The following DOK6 variants were observed in gnomAD, a reference collection of about 807,000 sequenced individuals.
DOK6 encodes docking protein 6, also known as downstream of tyrosine kinase 6.
In DOK6, 22 loss-of-function variants were observed where a neutral mutation model predicts 44.0. The ratio of observed to expected loss-of-function variants is 0.50; its 90% CI spans 0.36 to 0.71. The LOEUF is 0.71. DOK6 is among the 30% of genes least tolerant of loss of function. The pLI is 0.00. For missense variants in DOK6, 340 were observed against 416.4 expected (o/e 0.82, Z 1.60); for synonymous variants, 166 against 145.5 (o/e 1.14, Z -1.01).
intron 5 of DOK6, among the ~76,000 whole-genome samples, chr18:69,722,041 G>A (rs571392780): frequency 6.6e-6 from 1 of 152,206 alleles, no homozygotes; most frequent in African/African-American, 2.4e-5. Context: ...GTGGGAAACC[G>A]AAACCTCCCT....
chr18:69,754,524 A>G (rs936012693), intron 6 of DOK6, among the ~76,000 whole-genome samples: 1 of 152,174 alleles, frequency 6.6e-6, no homozygotes, highest in African/African-American at 2.4e-5. Context: ...TACTCATATT[A>G]GTTTGCTCAG....
In DOK6 at chr18:69,571,283, A is replaced by G. The variant is rs914679050; in HGVS notation, c.174+6689A>G. ...ATAAACTAAAATTGAATTTTAAATA[A>G]TATTCAAAAATTCCAGAAGAAAATA... On this transcript the variant is annotated intron_variant, in intron 2 of 7. Coordinates refer to ENST00000382713, the MANE Select transcript of DOK6 (RefSeq NM_152721.6). Among the ~76,000 whole-genome samples the G allele has an allele frequency of 8.5e-5, 13 of 152,140 alleles. No individual in the cohort carries two copies. In the Middle Eastern group the frequency reaches 0.01, roughly 119 times the overall value.
Position 69,512,332 on chromosome 18 carries a change from CTT to C in DOK6, c.67-52131_67-52130del, listed in dbSNP as rs548031851. ...ACCCCTTCGTCTTTGCTTTCTTCTT[CTT>C]TTTTTTTTTTTTTTTTTTTTTTTAG... On this transcript the variant is annotated intron_variant, in intron 1 of 7. Coordinates refer to ENST00000382713, the MANE Select transcript of DOK6 (RefSeq NM_152721.6). Among the ~76,000 whole-genome samples the C allele has an allele frequency of 9.8e-4, 90 of 91,666 alleles. No individual in the cohort carries two copies. The East Asian group carries it at 0.016, about 16-fold the overall frequency. The allele number at this position is 91,666 out of a possible 152,430, so 60.1% of individuals were successfully genotyped here.
chr18:69,691,473 AC>A (rs1441543100), intron 4 of DOK6, among the ~76,000 whole-genome samples: 1 of 152,154 alleles, frequency 6.6e-6, no homozygotes, highest in Admixed American at 6.5e-5. Context: ...TTCTCACCTC[AC>A]CCATGCTGGT....
intron 2 of DOK6, among the ~76,000 whole-genome samples, chr18:69,590,580 A>G (rs1421598703): frequency 1.3e-5 from 2 of 152,152 alleles, no homozygotes; most frequent in East Asian, 1.9e-4. Flanking sequence ...GCAGGTAGCA[A>G]CTAAATCATG....
At chr18:69,716,830 T>C (rs1218583619) in intron 5 of DOK6, among the ~76,000 whole-genome samples, 1 of 152,156 alleles carries the variant, frequency 6.6e-6, no homozygotes, top group East Asian at 1.9e-4. Context: ...TTATTTCTGA[T>C]TTCCAAATGG....
chr18:69,541,651 C>G (rs1402686994), intron 1 of DOK6, among the ~76,000 whole-genome samples: 1 of 151,416 alleles, frequency 6.6e-6, no homozygotes, highest in Non-Finnish European at 1.5e-5. Context: ...GTTTGACATA[C>G]AAAGTTTTAC....
At chr18:69,548,036 C>G (rs187221500) in intron 1 of DOK6, among the ~76,000 whole-genome samples, 1 of 150,408 alleles carries the variant, frequency 6.6e-6, no homozygotes, top group African/African-American at 2.4e-5. Context: ...TCACTGCAAA[C>G]TCCACCTCCC....
intron 6 of DOK6, among the ~76,000 whole-genome samples, chr18:69,741,958 G>C (rs948367353): frequency 6.6e-6 from 1 of 152,124 alleles, no homozygotes; most frequent in Non-Finnish European, 1.5e-5. Flanking sequence ...TACTATGAAA[G>C]AAAATTCAAT....
At chr18:69,683,519 A>C (rs1446420979) in intron 4 of DOK6, among the ~76,000 whole-genome samples, 1 of 152,214 alleles carries the variant, frequency 6.6e-6, no homozygotes, top group Non-Finnish European at 1.5e-5. Flanking sequence ...ATAGATATGG[A>C]CAAGTGAAGA....
chr18:69,686,919 ATGT>A (rs1986166181), intron 4 of DOK6, among the ~76,000 whole-genome samples: 1 of 151,992 alleles, frequency 6.6e-6, no homozygotes, highest in African/African-American at 2.4e-5. Flanking sequence ...AAAAAATAAT[ATGT>A]TATTATGCAA....
At chr18:69,432,487 T>C (rs1326417497) in intron 1 of DOK6, among the ~76,000 whole-genome samples, 1 of 152,144 alleles carries the variant, frequency 6.6e-6, no homozygotes, top group Non-Finnish European at 1.5e-5. Flanking sequence ...TTTTGAAATG[T>C]GTAAAAAATG....
chr18:69,480,925 C>A (rs533051960), intron 1 of DOK6, among the ~76,000 whole-genome samples: 1 of 152,132 alleles, frequency 6.6e-6, no homozygotes, highest in Admixed American at 6.6e-5. Context: ...AACTCACATA[C>A]GGTCCTGAGA....
chr18:69,704,232 C>G (rs546128006), intron 5 of DOK6, among the ~76,000 whole-genome samples: 2 of 152,096 alleles, frequency 1.3e-5, no homozygotes, highest in South Asian at 2.1e-4. Flanking sequence ...CCTCCACAGC[C>G]CCCCCACCCC....
chr18:69,540,936 T>C (rs755735163), intron 1 of DOK6, among the ~76,000 whole-genome samples: 9 of 152,194 alleles, frequency 5.9e-5, no homozygotes. Flanking sequence ...AGAATCTTTG[T>C]TGTTTTCCTC....
intron 1 of DOK6, among the ~76,000 whole-genome samples, chr18:69,496,220 G>C (rs1462229205): frequency 6.6e-6 from 1 of 152,232 alleles, no homozygotes; most frequent in East Asian, 1.9e-4. Flanking sequence ...TGGGTTCACA[G>C]GCACAACCTG....
chr18:69,606,833 G>A (rs766797425), intron 3 of DOK6, among the ~76,000 whole-genome samples: 1 of 143,430 alleles, frequency 7.0e-6, no homozygotes, highest in Non-Finnish European at 1.5e-5. Flanking sequence ...GCGCAATCTC[G>A]GCCCACTGCA....
chr18:69,516,153 T>C (rs1981516070), intron 1 of DOK6, among the ~76,000 whole-genome samples: 1 of 152,192 alleles, frequency 6.6e-6, no homozygotes, highest in African/African-American at 2.4e-5. Context: ...GGAGTGCGTA[T>C]AATGGCCCAG....
At chr18:69,672,888 A>G (rs1985838079) in intron 3 of DOK6, among the ~76,000 whole-genome samples, 1 of 152,188 alleles carries the variant, frequency 6.6e-6, no homozygotes, top group African/African-American at 2.4e-5. Context: ...AATAGCCTGT[A>G]AGGGAAACAT....
Sources: allele counts gnomAD v4.1 joint callset (sites outside exome capture counted in the v4.1 genomes callset), GRCh38; gene constraint gnomAD v4.1.1; transcripts MANE v1.5; gene names NCBI Gene and HGNC (gene_info 2026-07-23, HGNC 2026-07-21).